CASP10: variants seen among roughly 807,000 people sequenced by gnomAD.
The protein encoded by CASP10 is caspase-10.
A neutral mutation model predicts 48.5 loss-of-function variants in CASP10; 41 were observed. The observed-to-expected ratio is 0.85, with a 90% CI of 0.66 to 1.10. The LOEUF is 1.10. Ranked by LOEUF, CASP10 falls within the 50% of genes least tolerant of loss-of-function variation. CASP10 has a pLI of 0.00. For synonymous variants in CASP10, 232 were observed against 238.4 expected (o/e 0.97, Z 0.25); for missense variants, 614 against 614.5 (o/e 1.00, Z 0.01).
rs556186693 is a variant in CASP10 at position 201,217,612 on chromosome 2, C to T, written c.1440C>T (p.Leu480=). Reference sequence around the variant, plus strand: ...GACATGAAGACATCTTATCCATCCTCACTGCTGTCAACGATGATGTGAGTC... The same window carrying T: ...GACATGAAGACATCTTATCCATCCTTACTGCTGTCAACGATGATGTGAGTC... ...VPRHEDILSI[L]TAVNDDVSRR... The change falls in exon 10 of 10, where the codon CTC becomes CTT. Residue 480 remains leucine, a synonymous_variant. Transcript: ENST00000286186. 44 of 1,613,942 alleles carry T rather than the reference C, an allele frequency of 2.7e-5. No homozygotes were observed. The South Asian group carries it at 3.7e-4, about 14-fold the overall frequency.
At chr2:201,196,342 G>A (rs758767072) in intron 5 of CASP10, among the ~76,000 whole-genome samples, 5 of 152,190 alleles carry the variant, frequency 3.3e-5, no homozygotes, top group Non-Finnish European at 7.3e-5. Flanking sequence ...CAAGTACAGA[G>A]CTTTTGTTTA....
chr2:201,203,859 A>G, intron 6 of CASP10, 93 bp downstream of exon 6: 1 of 998,700 alleles, frequency 1.0e-6, no homozygotes, highest in Non-Finnish European at 1.6e-6. Flanking sequence ...GTGACTTGGA[A>G]GAGAAGCTTT....
At chr2:201,213,035 G>C (rs1368027292) in intron 9 of CASP10, 1 of 152,060 alleles carries the variant, frequency 6.6e-6, no homozygotes, top group Non-Finnish European at 1.5e-5. Context: ...AATAATAATT[G>C]GTAAGGTTAA....
At chr2:201,183,605 A>G (rs1379754805) in intron 1 of CASP10, among the ~76,000 whole-genome samples, 1 of 152,222 alleles carries the variant, frequency 6.6e-6, no homozygotes, top group East Asian at 1.9e-4. Context: ...GGTAGAATAG[A>G]AAGGTGTCTC....
Position 201,220,922 on chromosome 2 carries a change from CT to C in CASP10, c.*3184del. 1 of 985,450 alleles carries C rather than the reference CT, an allele frequency of 1.0e-6. No individual in the cohort carries two copies. The highest frequency in any genetic ancestry group is 1.2e-6 in the Non-Finnish European group (1 of 829,938). The allele number at this position is 985,450 out of a possible 1,614,324, so 61.0% of individuals were successfully genotyped here. On this transcript the variant is annotated 3_prime_UTR_variant, in exon 10 of 10. Transcript: ENST00000286186. ...CTGCATTTCCATTTTGTCCTGATTC[CT>C]TTGCTCAGAGACACTAACTAAATCA...
intron 5 of CASP10, among the ~76,000 whole-genome samples, chr2:201,199,662 C>T (rs766846680): frequency 6.7e-6 from 1 of 149,980 alleles, no homozygotes; most frequent in South Asian, 2.1e-4. Flanking sequence ...ATAACCTCCA[C>T]CTCCCAGGTT....
In CASP10 at chr2:201,205,890, G is replaced by T; in HGVS notation, c.730G>T (p.Ala244Ser). ...AGTACCTCTCTTTCTAGGTAACAGA[G>T]CCACAAATGGTGCACCAAGCCTGGT... ...NKHAGSNGNR[A>S]TNGAPSLVSR... is the part of the protein sequence containing the mutation. Residue 244 changes from alanine to serine, a missense_variant, in exon 7 of 10, where the codon GCC (alanine) becomes TCC (serine). By Grantham distance (99) the Ala-to-Ser change is moderately conservative. Coordinates refer to ENST00000286186, the MANE Select transcript of CASP10 (RefSeq NM_032977.4). The T allele has an allele frequency of 6.2e-6, 10 of 1,606,524 alleles. No homozygotes were observed. Among genetic ancestry groups the T allele is most frequent in the Non-Finnish European group, 8.5e-6 (10 of 1,173,132 alleles).
At chr2:201,189,183 T>C (rs1479556514) in intron 3 of CASP10, among the ~76,000 whole-genome samples, 2 of 152,226 alleles carry the variant, frequency 1.3e-5, no homozygotes, top group Non-Finnish European at 2.9e-5. Context: ...CATATTAGAA[T>C]TGTATCATTT....
Position 201,218,853 on chromosome 2 carries a change from T to C in CASP10, c.*1112T>C. ...CTATGCCAGGCCCATTTCCTGCTTT[T>C]GTGTAAGGAAGGTGCTCACATAGGA... is the stretch of plus-strand genomic sequence containing the variant. On this transcript the variant is annotated 3_prime_UTR_variant, in exon 10 of 10. Transcript: ENST00000286186. 1.0e-6 allele frequency: 1 copy of C among 985,484 alleles called. No individual in the cohort carries two copies. The highest frequency in any genetic ancestry group is 1.2e-6 in the Non-Finnish European group (1 of 829,946). 61.0% of individuals were successfully genotyped at this position (985,484 alleles called of 1,614,324 possible).
chr2:201,205,261 G>A (rs1945162746), intron 6 of CASP10, among the ~76,000 whole-genome samples: 1 of 138,426 alleles, frequency 7.2e-6, no homozygotes, highest in Non-Finnish European at 1.5e-5. Flanking sequence ...GCCTCACTCT[G>A]TTGCCTAGGC....
At chr2:201,214,584 T>C (rs1945508647) in intron 9 of CASP10, 1 of 152,166 alleles carries the variant, frequency 6.6e-6, no homozygotes, top group Non-Finnish European at 1.5e-5. Context: ...GGTAGCCATA[T>C]TGATTCAAAT....
rs747615351 is a variant in CASP10 at position 201,217,551 on chromosome 2, T to C, written c.1416-37T>C. On this transcript the variant is annotated intron_variant, in intron 9 of 9. Transcript: ENST00000286186. ...TCCAGCCTGGGCGACAGAGTGAGAC[T>C]CCGTAAAAAAAAATTTTGTTTTCTT... 6.4e-5 allele frequency: 94 copies of C among 1,462,470 alleles called. 1 individual carries two copies. The South Asian group carries it at 9.2e-4, about 14-fold the overall frequency. The allele number at this position is 1,462,470 out of a possible 1,614,324, so 90.6% of individuals were successfully genotyped here.
intron 4 of CASP10, chr2:201,193,453 C>T: frequency 3.0e-6 from 1 of 329,068 alleles, no homozygotes; most frequent in South Asian, 2.6e-5. Flanking sequence ...AGTGATCCAC[C>T]CACCTCGGCC....
At chr2:201,212,529 A>C (rs1248019811) in intron 9 of CASP10, 1 of 152,222 alleles carries the variant, frequency 6.6e-6, no homozygotes, top group South Asian at 2.1e-4. Context: ...GAGAGGAATC[A>C]TGCTATAGCT....
chr2:201,222,023 C>T (rs142111934), downstream of CASP10, among the ~76,000 whole-genome samples: 14 of 152,186 alleles, frequency 9.2e-5, no homozygotes, highest in Non-Finnish European at 1.8e-4. Context: ...TGCATGTCTG[C>T]GTGAATTTTG....
In CASP10 at chr2:201,209,456, C is replaced by T; in HGVS notation, c.1309C>T (p.Leu437=). Reference sequence around the variant, plus strand: ...CAGTATTCCTGCCGAGGCTGACTTCCTACTTGGTCTGGCCACTGTCCCAGG... The same window carrying T: ...CAGTATTCCTGCCGAGGCTGACTTCTTACTTGGTCTGGCCACTGTCCCAGG... The part of the protein sequence containing the change: ...QDSIPAEADF[L]LGLATVPGYV... The change falls in exon 9 of 10, where the codon CTA becomes TTA. Residue 437 remains leucine, a synonymous_variant. Coordinates refer to ENST00000286186, the MANE Select transcript of CASP10 (RefSeq NM_032977.4). The T allele has an allele frequency of 2.5e-6, 4 of 1,614,052 alleles. No homozygotes were observed. Among genetic ancestry groups the T allele is most frequent in the Non-Finnish European group, 3.4e-6 (4 of 1,179,906 alleles).
intron 9 of CASP10, chr2:201,228,926 T>C: frequency 4.3e-6 from 7 of 1,613,942 alleles, no homozygotes; most frequent in Non-Finnish European, 5.1e-6. Context: ...CTCTTTGTGC[T>C]CAGTAGGATG....
intron 3 of CASP10, among the ~76,000 whole-genome samples, chr2:201,190,760 T>C (rs946650303): frequency 1.3e-5 from 2 of 152,078 alleles, no homozygotes; most frequent in South Asian, 4.2e-4. Flanking sequence ...GAGTGTTAGT[T>C]TTCAAACAAG....
At chr2:201,184,331 G>A (rs988940796) in intron 1 of CASP10, among the ~76,000 whole-genome samples, 6 of 151,562 alleles carry the variant, frequency 4.0e-5, no homozygotes, top group African/African-American at 1.5e-4. Context: ...TTGTTGTTTT[G>A]TTTTGTTTTT....
Sources: allele counts gnomAD v4.1 joint callset (sites outside exome capture counted in the v4.1 genomes callset), GRCh38; gene constraint gnomAD v4.1.1; transcripts MANE v1.5; gene names NCBI Gene and HGNC (gene_info 2026-07-23, HGNC 2026-07-21).